The following ZDHHC15 variants were observed in gnomAD, a reference collection of about 807,000 sequenced individuals.
ZDHHC15 encodes palmitoyltransferase ZDHHC15.
Under a neutral mutation model 31.7 loss-of-function variants are expected in ZDHHC15, and 19 were observed. That is an observed-to-expected ratio of 0.60 (90% CI 0.42 to 0.88). ZDHHC15 has a LOEUF of 0.88. Among genes scored for constraint, ZDHHC15 ranks in the 40% least tolerant of loss-of-function variants. The pLI is 0.00. For missense variants in ZDHHC15, 209 were observed against 251.2 expected, an observed-to-expected ratio of 0.83 and a Z score of 1.14; for synonymous variants, 103 against 90.0, an observed-to-expected ratio of 1.14 and a Z score of -0.82.
intron 1 of ZDHHC15, among the ~76,000 whole-genome samples, chrX:75,514,683 C>T (rs1305418849): frequency 5.4e-5 from 6 of 111,401 alleles, no homozygotes; most frequent in South Asian, 7.7e-4. Context: ...GGGACACTCC[C>T]GCCCTAATAC....
chrX:75,499,785 T>C (rs751126874), intron 2 of ZDHHC15, among the ~76,000 whole-genome samples: 14 of 111,131 alleles, frequency 1.3e-4, no homozygotes, highest in Non-Finnish European at 2.3e-4. Context: ...GTATCTTTGG[T>C]TTAAAATAAA....
intron 2 of ZDHHC15, among the ~76,000 whole-genome samples, chrX:75,485,216 C>T (rs986707934): frequency 1.8e-5 from 2 of 111,238 alleles, no homozygotes; most frequent in African/African-American, 6.5e-5. Flanking sequence ...AATTATATCT[C>T]AATAAATCTG....
intron 3 of ZDHHC15, among the ~76,000 whole-genome samples, chrX:75,460,029 C>T (rs776359388): frequency 2.4e-4 from 27 of 112,176 alleles, no homozygotes; most frequent in Non-Finnish European, 4.3e-4. Flanking sequence ...GCATGGGCCA[C>T]GATACCTGGC....
chrX:75,437,016 G>C (rs2083861646), intron 4 of ZDHHC15, among the ~76,000 whole-genome samples: 1 of 110,987 alleles, frequency 9.0e-6, no homozygotes, highest in African/African-American at 3.3e-5. Flanking sequence ...CGAGTAGCTG[G>C]GACTACAGGC....
intron 10 of ZDHHC15, among the ~76,000 whole-genome samples, chrX:75,400,066 G>A (rs1417626277): frequency 9.0e-6 from 1 of 111,473 alleles, no homozygotes; most frequent in East Asian, 2.8e-4. Flanking sequence ...CAAATGGCCC[G>A]GGTGTCATAT....
chrX:75,434,229 G>C (rs968290828), intron 4 of ZDHHC15, among the ~76,000 whole-genome samples: 8 of 111,246 alleles, frequency 7.2e-5, no homozygotes, highest in Admixed American at 6.7e-4. Flanking sequence ...TGTAGATTCT[G>C]GATATTCGTC....
intron 1 of ZDHHC15, among the ~76,000 whole-genome samples, chrX:75,522,472 G>C (rs1214336792): frequency 9.0e-6 from 1 of 111,503 alleles, no homozygotes; most frequent in East Asian, 2.8e-4. Context: ...AAATGGTGGG[G>C]CTCCTAGTTG....
intron 4 of ZDHHC15, among the ~76,000 whole-genome samples, chrX:75,434,994 C>A (rs996014069): frequency 1.8e-5 from 2 of 111,554 alleles, no homozygotes; most frequent in Non-Finnish European, 3.8e-5. Context: ...CATTTGTTTA[C>A]GTTGTCTATG....
chrX:75,468,288 G>T (rs1359078702), intron 3 of ZDHHC15, among the ~76,000 whole-genome samples: 1 of 110,907 alleles, frequency 9.0e-6, no homozygotes, highest in Non-Finnish European at 1.9e-5. Flanking sequence ...CAGGTGATCC[G>T]CCTGCCTCGG....
chrX:75,466,696 T>A (rs753513486), intron 3 of ZDHHC15, among the ~76,000 whole-genome samples: 1 of 111,271 alleles, frequency 9.0e-6, no homozygotes, highest in Non-Finnish European at 1.9e-5. Context: ...ATATACACCA[T>A]GGAATATTAT....
At chrX:75,508,752 C>A (rs1318470592) in intron 1 of ZDHHC15, among the ~76,000 whole-genome samples, 6 of 110,788 alleles carry the variant, frequency 5.4e-5, no homozygotes, top group Admixed American at 1.9e-4. Context: ...GAACTAGTTT[C>A]CAGTCCCACC....
chrX:75,480,382 A>G (rs1368453154), intron 2 of ZDHHC15, among the ~76,000 whole-genome samples: 1 of 111,736 alleles, frequency 8.9e-6, no homozygotes, highest in East Asian at 2.8e-4. Flanking sequence ...TTATTTGTAT[A>G]TGTTTATACA....
chrX:75,444,821 GA>G (rs1321947328), intron 4 of ZDHHC15, among the ~76,000 whole-genome samples: 1 of 106,728 alleles, frequency 9.4e-6, no homozygotes, highest in Non-Finnish European at 1.9e-5. Context: ...AAATTCAGAG[GA>G]AGGGAGAATT....
intron 4 of ZDHHC15, among the ~76,000 whole-genome samples, chrX:75,432,906 C>A (rs899595620): frequency 9.0e-6 from 1 of 111,140 alleles, no homozygotes; most frequent in African/African-American, 3.3e-5. Flanking sequence ...ATTGCTAGAG[C>A]CCAGGAGTTC....
chrX:75,431,505 T>A lies in ZDHHC15; in HGVS notation c.395A>T (p.Asp132Val). 8.3e-7 allele frequency: 1 copy of A among 1,208,717 alleles called. No individual in the cohort carries two copies. Among genetic ancestry groups the A allele is most frequent in the African/African-American group, 1.7e-5 (1 of 57,399 alleles). ...GTCTGGCTTGATCAGATGACACCGG[T>A]CACAGAATCGTACAGCTATAAAAAA... ...RTGSGAVRFC[D>V]RCHLIKPDRC... is the part of the protein sequence containing the mutation. The change falls in exon 5 of 12, where the codon GAC becomes GTC. Residue 132 changes from aspartate to valine, a missense_variant. Asp to Val is a radical substitution (Grantham distance 152). Coordinates refer to ENST00000373367, the MANE Select transcript of ZDHHC15 (RefSeq NM_144969.3).
intron 4 of ZDHHC15, among the ~76,000 whole-genome samples, chrX:75,444,456 C>T (rs1218277991): frequency 1.5e-4 from 11 of 71,901 alleles, no homozygotes; most frequent in African/African-American, 5.9e-4. Context: ...CATCACACAC[C>T]AGGGCCTGTC....
chrX:75,506,173 G>A (rs188841124), intron 1 of ZDHHC15, among the ~76,000 whole-genome samples: 3 of 111,593 alleles, frequency 2.7e-5, no homozygotes, highest in Admixed American at 9.6e-5. Context: ...AGCAATAAAA[G>A]GCCTATGTAA....
chrX:75,501,155 G>T (rs1307129154), intron 2 of ZDHHC15, among the ~76,000 whole-genome samples: 1 of 110,411 alleles, frequency 9.1e-6, no homozygotes, highest in Non-Finnish European at 1.9e-5. Flanking sequence ...AGTGTCTGTT[G>T]TTCTCTTCTT....
At chrX:75,473,326 A>T (rs1406642802) in intron 3 of ZDHHC15, among the ~76,000 whole-genome samples, 1 of 112,056 alleles carries the variant, frequency 8.9e-6, no homozygotes, top group Non-Finnish European at 1.9e-5. Flanking sequence ...TTTCTTGCAT[A>T]GGCAGGATTC....
Sources: allele counts gnomAD v4.1 joint callset (sites outside exome capture counted in the v4.1 genomes callset), GRCh38; gene constraint gnomAD v4.1.1; transcripts MANE v1.5; gene names NCBI Gene and HGNC (gene_info 2026-07-23, HGNC 2026-07-21).